LYST: variants seen among roughly 807,000 people sequenced by gnomAD.
The protein encoded by LYST is lysosomal trafficking regulator.
In LYST, 192 loss-of-function variants were observed where a neutral mutation model predicts 413.6. The ratio of observed to expected loss-of-function variants is 0.46; its 90% confidence interval spans 0.41 to 0.52. The LOEUF is 0.52. LYST is among the 20% of genes least tolerant of loss of function. The pLI is 0.00. For missense variants in LYST, 3,815 were observed against 4,499.9 expected, an observed-to-expected ratio of 0.85 and a Z score of 4.35; for synonymous variants, 1,525 against 1,567.3, an observed-to-expected ratio of 0.97 and a Z score of 0.64.
intron 50 of LYST, among the ~76,000 whole-genome samples, chr1:235,665,675 A>AC (rs1658387354): frequency 6.6e-6 from 1 of 151,978 alleles, no homozygotes. Flanking sequence ...TGTAGTAAAA[A>AC]TTACCTGAGT....
chr1:235,799,725 A>G (rs1389598798), intron 10 of LYST, among the ~76,000 whole-genome samples: 1 of 152,008 alleles, frequency 6.6e-6, no homozygotes, highest in Non-Finnish European at 1.5e-5. Flanking sequence ...TGGCAACAAC[A>G]TGGCATTAGA....
intron 28 of LYST, among the ~76,000 whole-genome samples, chr1:235,749,030 T>G (rs1338747968): frequency 6.6e-6 from 1 of 152,192 alleles, no homozygotes; most frequent in Non-Finnish European, 1.5e-5. Context: ...ACCTAAACAT[T>G]TATCAGTAAA....
intron 1 of LYST, among the ~76,000 whole-genome samples, chr1:235,856,603 A>C (rs959119793): frequency 6.6e-6 from 1 of 152,250 alleles, no homozygotes; most frequent in Admixed American, 6.5e-5. Context: ...ATCAGGTTTT[A>C]TCAAAACTGC....
At chr1:235,842,216 G>A (rs879697445) in intron 1 of LYST, among the ~76,000 whole-genome samples, 5 of 151,956 alleles carry the variant, frequency 3.3e-5, no homozygotes, top group Non-Finnish European at 5.9e-5. Flanking sequence ...GACTGGGTAG[G>A]AAAAAGAAAG....
intron 44 of LYST, among the ~76,000 whole-genome samples, chr1:235,707,173 C>G (rs1468180498): frequency 6.6e-6 from 1 of 152,216 alleles, no homozygotes; most frequent in African/African-American, 2.4e-5. Context: ...GCAGGCCCAT[C>G]TACCTTGGAG....
chr1:235,793,435 A>T lies in LYST; in HGVS notation c.4116+68T>A. 3.9e-6 allele frequency: 3 copies of T among 760,636 alleles called. No individual in the cohort carries two copies. The South Asian group carries it at 5.0e-5, about 13-fold the overall frequency. The allele number at this position is 760,636 out of a possible 1,614,324, so 47.1% of individuals were successfully genotyped here. ...GTAACATTTCTAAATAATTAAAAAT[A>T]CATTCTATTAAAAATTGTAAGTGAA... On this transcript the variant is annotated intron_variant, in intron 11 of 52. Coordinates refer to ENST00000389793, the MANE Select transcript of LYST (RefSeq NM_000081.4).
At chr1:235,717,183 C>T (rs1295616617) in intron 40 of LYST, among the ~76,000 whole-genome samples, 1 of 152,100 alleles carries the variant, frequency 6.6e-6, no homozygotes, top group Non-Finnish European at 1.5e-5. Context: ...GAATGAAGGG[C>T]AGTTTCGACA....
intron 23 of LYST, among the ~76,000 whole-genome samples, chr1:235,758,444 T>C (rs1667251711): frequency 6.6e-6 from 1 of 152,218 alleles, no homozygotes; most frequent in Non-Finnish European, 1.5e-5. Flanking sequence ...TCTGACTTCA[T>C]CCAGAGAAGA....
intron 1 of LYST, among the ~76,000 whole-genome samples, chr1:235,857,781 A>G (rs1679377632): frequency 7.0e-6 from 1 of 143,090 alleles, no homozygotes; most frequent in South Asian, 2.2e-4. Flanking sequence ...ACACACACAC[A>G]CACATATATA....
intron 3 of LYST, chr1:235,827,955 T>C (rs1675519955): frequency 2.3e-6 from 1 of 441,738 alleles, no homozygotes; most frequent in Non-Finnish European, 3.0e-6. Flanking sequence ...TTAAAAATGG[T>C]ACAAAACTTT....
rs557545474 is a variant in LYST at position 235,775,088 on chromosome 1, T to TAA, written c.5461-4_5461-3dup. ...TTCACAGCTACTGAGTTCAACAACCTAAAAAAAAAAATGGGTGGATATAGT... is the reference window on the plus strand; with the variant it reads ...TTCACAGCTACTGAGTTCAACAACCTAAAAAAAAAAAAATGGGTGGATATAGT... On this transcript the variant is annotated splice_region_variant and splice_polypyrimidine_tract_variant and intron_variant, in intron 17 of 52. Coordinates refer to ENST00000389793, the MANE Select transcript of LYST (RefSeq NM_000081.4). 3.1e-4 allele frequency: 388 copies of TAA among 1,262,676 alleles called. No homozygotes were observed. In the East Asian group the frequency reaches 5.9e-3, roughly 19 times the overall value. The allele number at this position is 1,262,676 out of a possible 1,614,324, so 78.2% of individuals were successfully genotyped here.
intron 3 of LYST, among the ~76,000 whole-genome samples, chr1:235,822,726 T>C (rs141260140): frequency 6.6e-6 from 1 of 152,346 alleles, no homozygotes; most frequent in East Asian, 1.9e-4. Flanking sequence ...ATAGAGTCTA[T>C]TTCCCCATCC....
rs748985876 is a variant in LYST, at chr1:235,809,060, C to T, written c.1758G>A (p.Met586Ile). 6.2e-7 allele frequency: 1 copy of T among 1,614,074 alleles called. No individual in the cohort carries two copies. The highest frequency in any genetic ancestry group is 8.5e-7 in the Non-Finnish European group (1 of 1,179,974). ...GVHNIGICCC[M>I]DPKSVIIPLL... ...AAGGAATGATTACAGATTTGGGATC[C>T]ATACAACAGCATATTCCAATGTTAT... The change falls in exon 5 of 53, where the codon ATG becomes ATA. Residue 586 changes from methionine (M) to isoleucine (I), a missense_variant. Physicochemically the swap from Met to Ile is conservative, Grantham distance 10. Around this residue, in one of 4 missense-constraint regions of LYST, gnomAD observed 1,648 missense variants for 1,810.3 expected, o/e 0.91. Coordinates refer to ENST00000389793, the MANE Select transcript of LYST (RefSeq NM_000081.4). The surrounding 1 kb of genome is among the most constrained non-coding windows in gnomAD (Gnocchi z 4.0).
chr1:235,804,849 T>C (rs547848033), intron 6 of LYST, among the ~76,000 whole-genome samples, 184 bp from the exon 7 acceptor site: 1 of 152,322 alleles, frequency 6.6e-6, no homozygotes, highest in East Asian at 1.9e-4. Context: ...ATTAATAACA[T>C]TTTTATTGAT....
intron 1 of LYST, among the ~76,000 whole-genome samples, chr1:235,872,878 C>T (rs1365423896): frequency 4.6e-5 from 7 of 151,988 alleles, no homozygotes; most frequent in Non-Finnish European, 1.0e-4. Flanking sequence ...ATCCCACCAT[C>T]GCACTCCAGC....
chr1:235,847,060 G>C lies in LYST; in HGVS notation c.-97-13393C>G, dbSNP rs560443327. On this transcript the variant is annotated intron_variant, in intron 1 of 52. Coordinates refer to ENST00000389793, the MANE Select transcript of LYST (RefSeq NM_000081.4). ...AAATTCATCTCAAAAAGATCTTCGC[G>C]TAGGCACATTGTCATGAGGTTATCC... Among the ~76,000 whole-genome samples the C allele has an allele frequency of 1.4e-3, 208 of 152,264 alleles. 3 individuals are homozygous for C. The highest frequency in any genetic ancestry group is 0.011 in the Admixed American group (165 of 15,298).
chr1:235,808,738 T>G lies in LYST; in HGVS notation c.2080A>C (p.Lys694Gln). Residue 694 changes from lysine to glutamine, a missense_variant, in exon 5 of 53, where the codon AAG becomes CAG. Transcript: ENST00000389793. ...EDLLWKWDAL[K>Q]AYQNFVFEED... ...TCAAAAACAAAGTTCTGATAAGCCTTTAAAGCATCCCATTTCCACAACAAA... is the reference window on the plus strand; with the variant it reads ...TCAAAAACAAAGTTCTGATAAGCCTGTAAAGCATCCCATTTCCACAACAAA... The G allele has an allele frequency of 1.2e-6, 2 of 1,614,030 alleles. No homozygotes were observed. Among genetic ancestry groups the G allele is most frequent in the Non-Finnish European group, 1.7e-6 (2 of 1,179,970 alleles).
intron 1 of LYST, among the ~76,000 whole-genome samples, chr1:235,843,184 TAAG>T (rs61669691): frequency 0.062 from 9,400 of 152,206 alleles, 966 homozygotes; most frequent in African/African-American, 0.21. Flanking sequence ...GCCACAGTGA[TAAG>T]AAGGGAAAGG....
intron 44 of LYST, among the ~76,000 whole-genome samples, chr1:235,703,962 A>G (rs966821831): frequency 5.9e-5 from 9 of 152,084 alleles, no homozygotes; most frequent in Non-Finnish European, 1.2e-4. Flanking sequence ...CTTTGTGTCC[A>G]TGAGTTCTCA....
Sources: gnomAD v4.1 joint callset for allele counts (sites outside exome capture counted in the v4.1 genomes callset) on GRCh38, gnomAD v4.1.1 for gene constraint, gnomAD v4.1.1 regional missense constraint, Gnocchi (gnomAD v3.1) non-coding constraint, MANE v1.5 for transcripts, NCBI Gene and HGNC (gene_info 2026-07-23, HGNC 2026-07-21) for gene names.